PLA2R1: variants seen among roughly 807,000 people sequenced by gnomAD.
The protein encoded by PLA2R1 is phospholipase A2 receptor 1.
A neutral mutation model predicts 195.9 loss-of-function variants in PLA2R1; 158 were observed. That is an observed-to-expected ratio of 0.81 (90% CI 0.71 to 0.92). The LOEUF is 0.92. Ranked by LOEUF, PLA2R1 falls within the 40% of genes least tolerant of loss-of-function variation. The pLI is 0.00. For synonymous variants in PLA2R1, 586 were observed against 598.2 expected, an observed-to-expected ratio of 0.98 and a Z score of 0.30; for missense variants, 1,626 against 1,764.6, an observed-to-expected ratio of 0.92 and a Z score of 1.41.
At chr2:160,042,804 T>C (rs948241079) in intron 2 of PLA2R1, among the ~76,000 whole-genome samples, 284 of 17,246 alleles carry the variant, frequency 0.016, 1 homozygote, top group Admixed American at 0.023. Context: ...TGTGTGCGTG[T>C]GTGTGTGTGT....
intron 6 of PLA2R1, among the ~76,000 whole-genome samples, chr2:160,026,108 C>A (rs533258337): frequency 1.2e-4 from 19 of 152,052 alleles, no homozygotes; most frequent in Non-Finnish European, 2.5e-4. Context: ...TATATGTATC[C>A]TATGACATCA....
At chr2:159,971,376 T>C (rs981698431) in intron 17 of PLA2R1, among the ~76,000 whole-genome samples, 1 of 152,136 alleles carries the variant, frequency 6.6e-6, no homozygotes, top group African/African-American at 2.4e-5. Flanking sequence ...TCCTTTTACA[T>C]TTTACTAATT....
At chr2:159,958,590 GA>G (rs1688250060) in intron 20 of PLA2R1, among the ~76,000 whole-genome samples, 1 of 152,026 alleles carries the variant, frequency 6.6e-6, no homozygotes, top group Non-Finnish European at 1.5e-5. Context: ...CATCACACCA[GA>G]GAAGGCCCCT....
chr2:159,958,034 C>T (rs1265037335), intron 20 of PLA2R1, among the ~76,000 whole-genome samples: 2 of 152,162 alleles, frequency 1.3e-5, no homozygotes, highest in African/African-American at 2.4e-5. Context: ...AGCATCCTTT[C>T]CTACCTTATT....
At chr2:160,020,648 A>C (rs898263034) in intron 7 of PLA2R1, among the ~76,000 whole-genome samples, 19 of 152,036 alleles carry the variant, frequency 1.2e-4, no homozygotes, top group African/African-American at 3.9e-4. Flanking sequence ...GAGATAGCAC[A>C]CTCAGCCCCC....
rs1401976995 is a variant in PLA2R1, at chr2:159,970,171, T to C, written c.2637A>G (p.Glu879=). 7 of 1,609,512 alleles carry C rather than the reference T, an allele frequency of 4.3e-6. No homozygotes were observed. In the South Asian group the frequency reaches 7.7e-5, roughly 18 times the overall value. The stretch of plus-strand genomic sequence containing the variant: ...ACCGAAATTCATCATTGGCTCTTTC[T>C]TCTTGAAGTCCAATCCACCAACTTG... ...YGASWWIGLQ[E]ERANDEFRWR... is the part of the protein sequence containing the mutation. The change falls in exon 18 of 30, where the codon GAA becomes GAG. Residue 879 remains glutamate, a synonymous_variant. Coordinates refer to ENST00000283243, the MANE Select transcript of PLA2R1 (RefSeq NM_007366.5).
chr2:160,028,387 T>C (rs1693651957), intron 5 of PLA2R1, 26 bp from the exon 6 acceptor site: 2 of 1,561,146 alleles, frequency 1.3e-6, no homozygotes, highest in Non-Finnish European at 1.8e-6. Flanking sequence ...GTGTCTTTAA[T>C]ATTAGAAGCA....
rs1276178171 is a variant in PLA2R1 at position 160,028,982 on chromosome 2, AGCTTC to A, written c.842-24_842-20del. The A allele has an allele frequency of 1.0e-5, 14 of 1,352,034 alleles. No homozygotes were observed. Among genetic ancestry groups the A allele is most frequent in the Admixed American group, 1.0e-4 (6 of 58,732 alleles). The allele number at this position is 1,352,034 out of a possible 1,614,324, so 83.8% of individuals were successfully genotyped here. A position where few individuals can be genotyped will look rare whatever the true frequency, so the allele number is the denominator to read the frequency against. ...ATGTGCTCTGAAATGAAAATTATGG[AGCTTC>A]AAAAAAAAAATCCAGTGTTACACAT... On this transcript the variant is annotated intron_variant, in intron 4 of 29. Coordinates refer to ENST00000283243, the MANE Select transcript of PLA2R1 (RefSeq NM_007366.5).
rs148606266 is a variant in PLA2R1, at chr2:159,990,142, G to T, written c.1835-2784C>A. Among the ~76,000 whole-genome samples, 1,845 of 152,272 alleles carry T rather than the reference G, an allele frequency of 0.012. 24 individuals are homozygous for T. In the Middle Eastern group the frequency reaches 0.12, roughly 10 times the overall value. ...AACTAAATTTATAAGCCTATATCGT[G>T]GGGATGCTTGCAAAGCCAAATAATA... is the stretch of plus-strand genomic sequence containing the variant. On this transcript the variant is annotated intron_variant, in intron 11 of 29. Coordinates refer to ENST00000283243, the MANE Select transcript of PLA2R1 (RefSeq NM_007366.5).
Position 159,969,301 on chromosome 2 carries a change from C to T in PLA2R1, c.2719G>A (p.Val907Met), listed in dbSNP as rs1216834943. ...CCACATCTCTGGCTCTGATTATTCACAGTTCTTTCTCTTCCTGTGTCCCAG... is the reference window on the plus strand; with the variant it reads ...CCACATCTCTGGCTCTGATTATTCATAGTTCTTTCTCTTCCTGTGTCCCAG... Reference protein sequence around the residue: ...QNWDTGRERTVNNQSQRCGFI... With the variant: ...QNWDTGRERTMNNQSQRCGFI... Residue 907 changes from valine (V) to methionine (M), a missense_variant, in exon 19 of 30, where the codon GTG becomes ATG. Physicochemically the swap from Val to Met is conservative, Grantham distance 21. Transcript: ENST00000283243. 1.2e-6 allele frequency: 2 copies of T among 1,608,488 alleles called. No individual in the cohort carries two copies. The highest frequency in any genetic ancestry group is 2.7e-5 in the African/African-American group (2 of 74,774).
chr2:159,942,843 T>C (rs1351986365), intron 28 of PLA2R1, among the ~76,000 whole-genome samples: 1 of 152,156 alleles, frequency 6.6e-6, no homozygotes, highest in Non-Finnish European at 1.5e-5. Flanking sequence ...CAGAGGAAGA[T>C]GAAGAAATGG....
chr2:159,931,232 G>A (rs1686578353), downstream of PLA2R1, among the ~76,000 whole-genome samples: 1 of 152,186 alleles, frequency 6.6e-6, no homozygotes, highest in South Asian at 2.1e-4. Flanking sequence ...TATACAGTTT[G>A]TAAAACATAA....
downstream of PLA2R1, among the ~76,000 whole-genome samples, chr2:159,927,782 C>T (rs1686523016): frequency 6.6e-6 from 1 of 152,212 alleles, no homozygotes; most frequent in Admixed American, 6.5e-5. Context: ...TTCCTCTTAA[C>T]CTCCTCCTTT....
chr2:159,926,508 T>C, the PLA2R1 span, among the ~76,000 whole-genome samples: 2 of 152,168 alleles, frequency 1.3e-5, no homozygotes, highest in Admixed American at 6.5e-5. Context: ...ATGTGTTTAA[T>C]TGGAATTTTA....
At chr2:159,944,192 A>G (rs537223276) in intron 28 of PLA2R1, among the ~76,000 whole-genome samples, 1 of 152,104 alleles carries the variant, frequency 6.6e-6, no homozygotes, top group African/African-American at 2.4e-5. Context: ...TGCTGCCTTT[A>G]ATCAGGCTGG....
chr2:160,057,331 C>A (rs1360586667), intron 1 of PLA2R1, among the ~76,000 whole-genome samples: 1 of 152,254 alleles, frequency 6.6e-6, no homozygotes, highest in Non-Finnish European at 1.5e-5. Context: ...CCTGAAGAAC[C>A]TGTCCTGGGT....
At chr2:159,998,537 C>T (rs1255667378) in intron 11 of PLA2R1, among the ~76,000 whole-genome samples, 1 of 152,148 alleles carries the variant, frequency 6.6e-6, no homozygotes, top group Non-Finnish European at 1.5e-5. Flanking sequence ...ATGAAGAACA[C>T]TTCCGATCCT....
chr2:159,944,770 A>C (rs1310595038), intron 28 of PLA2R1, 136 bp downstream of exon 28: 1 of 633,634 alleles, frequency 1.6e-6, no homozygotes, highest in Admixed American at 2.5e-5. Flanking sequence ...TGTTTGGTGC[A>C]GAACACAACA....
At chr2:160,039,356 C>G (rs1224326544) in intron 3 of PLA2R1, among the ~76,000 whole-genome samples, 1 of 152,164 alleles carries the variant, frequency 6.6e-6, no homozygotes, top group Non-Finnish European at 1.5e-5. Context: ...TAAACAAACC[C>G]AGAGAGATTC....
Sources: gnomAD v4.1 joint callset for allele counts (sites outside exome capture counted in the v4.1 genomes callset) on GRCh38, gnomAD v4.1.1 for gene constraint, MANE v1.5 for transcripts, NCBI Gene and HGNC (gene_info 2026-07-23, HGNC 2026-07-21) for gene names.